Variants in UROS observed in about 807,000 individuals in gnomAD.
The protein encoded by UROS is uroporphyrinogen III synthase.
UROS carries 18 observed loss-of-function variants against 33.0 expected under a neutral mutation model. The ratio of observed to expected loss-of-function variants is 0.55; its 90% confidence interval spans 0.38 to 0.81. The LOEUF (loss-of-function observed/expected upper bound fraction) is 0.81, where lower values mean the gene tolerates loss of function less well. Among genes scored for constraint, UROS ranks in the 30% least tolerant of loss-of-function variants. The pLI, the probability that UROS is intolerant of heterozygous loss-of-function variation, is 0.00. For missense variants in UROS, 293 were observed against 314.9 expected (o/e 0.93, Z 0.53); for synonymous variants, 114 against 121.1 (o/e 0.94, Z 0.38).
Position 125,813,770 on chromosome 10 carries a change from C to T in UROS, c.244+1264G>A, listed in dbSNP as rs114275378. 7.9e-3 allele frequency among the ~76,000 whole-genome samples: 1,206 copies of T among 152,330 alleles called. 22 individuals carry two copies. The highest frequency in any genetic ancestry group is 0.027 in the African/African-American group (1,109 of 41,576). On this transcript the variant is annotated intron_variant, in intron 4 of 9. Coordinates refer to ENST00000368797, the MANE Select transcript of UROS (RefSeq NM_000375.3). ...CTGGGATTACAGGCATGAGCCACTG[C>T]GCCTGGCTGGCTCTGAGTTTCTTAG...
chr10:125,791,005 T>C (rs796698734), intron 9 of UROS, among the ~76,000 whole-genome samples: 55 of 151,104 alleles, frequency 3.6e-4, no homozygotes, highest in African/African-American at 1.2e-3. Context: ...GGCAGGAGAA[T>C]AGCTTGAACC....
rs774268782 is a variant in UROS at position 125,798,163 on chromosome 10, G to T, written c.395-18C>A. The stretch of plus-strand genomic sequence containing the variant: ...GGACTCCCCTGTGAATAAATAACCA[G>T]GCTTTGTGAAAACTCAGGGCCAGTG... On this transcript the variant is annotated intron_variant, in intron 6 of 9. Transcript: ENST00000368797. 3.1e-6 allele frequency: 5 copies of T among 1,613,302 alleles called. No homozygotes were observed. The Admixed American group carries it at 8.3e-5, about 27-fold the overall frequency.
At chr10:125,811,710 C>T (rs9651505) in intron 5 of UROS, among the ~76,000 whole-genome samples, 68,256 of 151,772 alleles carry the variant, frequency 0.45, 15,541 homozygotes, top group African/African-American at 0.48. Context: ...TTAAAATGCT[C>T]AATGTTAATT....
chr10:125,794,455 A>G lies in UROS; in HGVS notation c.660+425T>C, dbSNP rs1851179928. 9.8e-6 allele frequency: 7 copies of G among 714,490 alleles called. No homozygotes were observed. The South Asian group carries it at 2.7e-4, about 27-fold the overall frequency. The allele number at this position is 714,490 out of a possible 1,614,324, so 44.3% of individuals were successfully genotyped here. A position where few individuals can be genotyped will look rare whatever the true frequency, so the allele number is the denominator to read the frequency against. On this transcript the variant is annotated intron_variant, in intron 9 of 9. Coordinates refer to ENST00000368797, the MANE Select transcript of UROS (RefSeq NM_000375.3). ...ATAAATACAGTCCCTAGTAAGTGAGAATGTAAACCCTTTAAAAGATATGAA... is the reference window on the plus strand; with the variant it reads ...ATAAATACAGTCCCTAGTAAGTGAGGATGTAAACCCTTTAAAAGATATGAA...
intron 3 of UROS, 112 bp from the exon 4 acceptor site, chr10:125,815,242 T>C: frequency 8.6e-7 from 1 of 1,161,580 alleles, no homozygotes; most frequent in Non-Finnish European, 1.3e-6. Flanking sequence ...GGCAAACTAA[T>C]TCCTTCCACC....
At chr10:125,813,441 C>T (rs909697380) in intron 4 of UROS, among the ~76,000 whole-genome samples, 10 of 152,264 alleles carry the variant, frequency 6.6e-5, no homozygotes, top group Admixed American at 5.9e-4. Flanking sequence ...TCTTCATCCT[C>T]AAAACATACA....
chr10:125,786,072 C>T (rs1850626990), downstream of UROS, among the ~76,000 whole-genome samples: 1 of 152,178 alleles, frequency 6.6e-6, no homozygotes, highest in Non-Finnish European at 1.5e-5. Flanking sequence ...GGTGGCCCTA[C>T]TGCCACTCAG....
chr10:125,791,091 C>CAAAAAAAAA (rs146112441), intron 9 of UROS, among the ~76,000 whole-genome samples: 1 of 130,834 alleles, frequency 7.6e-6, no homozygotes. Flanking sequence ...GACACCATCT[C>CAAAAAAAAA]AAAAAAAAAA....
At chr10:125,799,880 A>G (rs995574704) in intron 6 of UROS, among the ~76,000 whole-genome samples, 10 of 152,190 alleles carry the variant, frequency 6.6e-5, no homozygotes, top group African/African-American at 1.9e-4. Context: ...CCAAAGACAA[A>G]GGAGTTATTC....
intron 3 of UROS, 121 bp from the exon 4 acceptor site, chr10:125,815,251 C>T (rs1853205767): frequency 9.4e-7 from 1 of 1,066,238 alleles, no homozygotes; most frequent in African/African-American, 1.6e-5. Flanking sequence ...ATTCCTTCCA[C>T]CCATCCCCCC....
Position 125,812,205 on chromosome 10 carries a change from A to G in UROS, c.319+9T>C, listed in dbSNP as rs1852878842. The G allele has an allele frequency of 6.2e-7, 1 of 1,613,180 alleles. No homozygotes were observed. The highest frequency in any genetic ancestry group is 1.1e-5 in the South Asian group (1 of 91,058). Reference sequence around the variant, plus strand: ...TTTTTGTTGTTTTATTTTTACCTTGACTCCTTACCTAGAGAAGCAGTAGCA... The same window carrying G: ...TTTTTGTTGTTTTATTTTTACCTTGGCTCCTTACCTAGAGAAGCAGTAGCA... On this transcript the variant is annotated intron_variant, in intron 5 of 9. Transcript: ENST00000368797.
intron 6 of UROS, among the ~76,000 whole-genome samples, chr10:125,803,765 G>A (rs991667074): frequency 6.6e-6 from 1 of 152,194 alleles, no homozygotes; most frequent in African/African-American, 2.4e-5. Context: ...TCCCCAGCTT[G>A]CCACCCACTG....
chr10:125,812,076 C>G, intron 5 of UROS, 138 bp downstream of exon 5: 1 of 725,666 alleles, frequency 1.4e-6, no homozygotes, highest in Non-Finnish European at 2.3e-6. Context: ...GCATTCTTAT[C>G]AGTAGTATCG....
chr10:125,812,616 A>T (rs774560277), intron 4 of UROS, among the ~76,000 whole-genome samples: 1 of 152,248 alleles, frequency 6.6e-6, no homozygotes, highest in African/African-American at 2.4e-5. Context: ...TCAAAAATTT[A>T]AATCTAGACT....
At chr10:125,787,857 G>A (rs1403327176), downstream of UROS, among the ~76,000 whole-genome samples, 1 of 152,098 alleles carries the variant, frequency 6.6e-6, no homozygotes, top group Non-Finnish European at 1.5e-5. Context: ...TCTCCTACGA[G>A]GTGGCTGATG....
chr10:125,814,947 T>G (rs1853164756), intron 4 of UROS, 87 bp downstream of exon 4: 1 of 1,442,796 alleles, frequency 6.9e-7, no homozygotes, highest in Non-Finnish European at 9.6e-7. Context: ...CTCTTAGAAG[T>G]GCAGCTGCTT....
chr10:125,814,103 G>A (rs926872548), intron 4 of UROS, among the ~76,000 whole-genome samples: 4 of 152,148 alleles, frequency 2.6e-5, no homozygotes, highest in Non-Finnish European at 5.9e-5. Flanking sequence ...CTATCTCACA[G>A]GAAAAAGTAT....
intron 6 of UROS, among the ~76,000 whole-genome samples, chr10:125,803,633 G>C (rs987148198): frequency 6.6e-6 from 1 of 152,350 alleles, no homozygotes; most frequent in Non-Finnish European, 1.5e-5. Flanking sequence ...AGAGGGAGCA[G>C]GCAGTGTTGT....
At chr10:125,820,841 T>C (rs1853810823) in intron 1 of UROS, among the ~76,000 whole-genome samples, 1 of 152,236 alleles carries the variant, frequency 6.6e-6, no homozygotes, top group Admixed American at 6.5e-5. Context: ...CTCATTAAGA[T>C]AAATTCTGAG....
Sources: allele counts gnomAD v4.1 joint callset (sites outside exome capture counted in the v4.1 genomes callset), GRCh38; gene constraint gnomAD v4.1.1; transcripts MANE v1.5; gene names NCBI Gene and HGNC (gene_info 2026-07-23, HGNC 2026-07-21).